The following TEX9 variants were observed in gnomAD, a reference collection of about 807,000 sequenced individuals.
The protein encoded by TEX9 is testis expressed 9.
Under a neutral mutation model 59.6 loss-of-function variants are expected in TEX9, and 74 were observed. The observed-to-expected ratio is 1.24, with a 90% CI of 1.03 to 1.51. The LOEUF (loss-of-function observed/expected upper bound fraction) is 1.51, where lower values mean the gene tolerates loss of function less well. TEX9 is among the 40% of genes most tolerant of loss of function. The pLI, the probability that TEX9 is intolerant of heterozygous loss-of-function variation, is 0.00. For synonymous variants in TEX9, 186 were observed against 152.2 expected (o/e 1.22, Z -1.64); for missense variants, 522 against 447.8 (o/e 1.17, Z -1.49).
chr15:56,413,288 A>ATT (rs1369886543), intron 10 of TEX9, among the ~76,000 whole-genome samples: 2 of 916 alleles, frequency 2.2e-3, no homozygotes, highest in East Asian at 0.05. Flanking sequence ...AAATAATTTA[A>ATT]TAATAAATTA....
chr15:56,459,581 T>C, the TEX9 span, among the ~76,000 whole-genome samples: 2 of 152,180 alleles, frequency 1.3e-5, no homozygotes, highest in South Asian at 2.1e-4. Context: ...TACTTAGCAA[T>C]TGAAAACTAC....
chr15:56,447,756 A>G (rs1351426424), downstream of TEX9: 4 of 152,268 alleles, frequency 2.6e-5, no homozygotes, highest in South Asian at 2.1e-4. Flanking sequence ...CACAATCAAG[A>G]TCATGAACAC....
chr15:56,322,039 A>G (rs1335052178), intron 1 of TEX9, among the ~76,000 whole-genome samples: 1 of 152,130 alleles, frequency 6.6e-6, no homozygotes, highest in African/African-American at 2.4e-5. Context: ...CAGAATTCAT[A>G]TAAGTATACA....
intron 9 of TEX9, among the ~76,000 whole-genome samples, chr15:56,409,510 AT>A (rs1319292487): frequency 2.6e-5 from 4 of 151,848 alleles, no homozygotes; most frequent in Non-Finnish European, 4.4e-5. Flanking sequence ...TGATTATTTT[AT>A]TTTTTTAGAG....
chr15:56,307,005 A>G (rs1484573392), intron 1 of TEX9, among the ~76,000 whole-genome samples: 4 of 152,210 alleles, frequency 2.6e-5, no homozygotes, highest in Admixed American at 2.6e-4. Flanking sequence ...TATCCAGGGT[A>G]GTTTAAAATC....
chr15:56,315,721 T>C (rs1252565574), intron 1 of TEX9, among the ~76,000 whole-genome samples: 3 of 145,288 alleles, frequency 2.1e-5, no homozygotes, highest in Non-Finnish European at 3.1e-5. Flanking sequence ...GGGGAAGTTC[T>C]CCTGGATAAT....
At chr15:56,366,553 A>C (rs1201697390) in intron 2 of TEX9, among the ~76,000 whole-genome samples, 2 of 152,138 alleles carry the variant, frequency 1.3e-5, no homozygotes, top group Non-Finnish European at 2.9e-5. Flanking sequence ...AATTAGCATA[A>C]TTTGTTACAA....
chr15:56,284,581 G>C (rs1274896736), intron 1 of TEX9, among the ~76,000 whole-genome samples: 1 of 152,022 alleles, frequency 6.6e-6, no homozygotes, highest in African/African-American at 2.4e-5. Flanking sequence ...ATAGGAATGA[G>C]ACTGGAAGGA....
intron 1 of TEX9, among the ~76,000 whole-genome samples, chr15:56,337,369 A>G (rs1189998554): frequency 2.0e-5 from 3 of 152,180 alleles, no homozygotes; most frequent in Admixed American, 6.5e-5. Context: ...TCTGGCATCA[A>G]CACTGGGTAG....
intron 12 of TEX9, among the ~76,000 whole-genome samples, chr15:56,430,651 A>G (rs2050563848): frequency 6.6e-6 from 1 of 152,172 alleles, no homozygotes; most frequent in Admixed American, 6.5e-5. Context: ...CCATGTGCCT[A>G]TTACTGGTGT....
At chr15:56,372,284 T>G (rs2047223743) in intron 2 of TEX9, among the ~76,000 whole-genome samples, 1 of 152,224 alleles carries the variant, frequency 6.6e-6, no homozygotes, top group Non-Finnish European at 1.5e-5. Context: ...TCTTAAAGCT[T>G]CAGACTGTTA....
intron 1 of TEX9, among the ~76,000 whole-genome samples, chr15:56,354,995 C>G (rs982864952): frequency 6.6e-6 from 1 of 152,034 alleles, no homozygotes; most frequent in Non-Finnish European, 1.5e-5. Context: ...TAAAATTTAC[C>G]TATTTTAAGT....
rs576521312 is a variant in TEX9, at chr15:56,437,722, G to A, written c.*30-7949G>A. Among the ~76,000 whole-genome samples the A allele has an allele frequency of 1.2e-4, 18 of 152,276 alleles. No individual in the cohort carries two copies. In the South Asian group the frequency reaches 3.7e-3, roughly 32 times the overall value. ...GATTGTATATTTAGAAAACCCCATTGTCTCAGCCCCAAATCTCCTTAAGCT... is the reference window on the plus strand; with the variant it reads ...GATTGTATATTTAGAAAACCCCATTATCTCAGCCCCAAATCTCCTTAAGCT... On this transcript the variant is annotated intron_variant, in intron 12 of 12. Coordinates refer to ENST00000352903, the Ensembl canonical transcript of TEX9.
chr15:56,401,993 G>A (rs1283739597), intron 9 of TEX9, among the ~76,000 whole-genome samples: 1 of 152,156 alleles, frequency 6.6e-6, no homozygotes, highest in Non-Finnish European at 1.5e-5. Flanking sequence ...TGTGTAGAGG[G>A]AAATTTATAG....
chr15:56,269,860 G>A (rs1320349746), intron 1 of TEX9, among the ~76,000 whole-genome samples: 1 of 151,974 alleles, frequency 6.6e-6, no homozygotes, highest in Non-Finnish European at 1.5e-5. Flanking sequence ...GTTTCACCGT[G>A]TTAGCCAGGA....
chr15:56,428,386 A>G (rs1596244285), exon 12 of TEX9: 1 of 1,612,258 alleles, frequency 6.2e-7, no homozygotes, highest in African/African-American at 1.3e-5. Context: ...GAAGCTGCCA[A>G]GATGCTATCT....
At chr15:56,366,290 C>A (rs1305289601) in intron 2 of TEX9, among the ~76,000 whole-genome samples, 1 of 152,164 alleles carries the variant, frequency 6.6e-6, no homozygotes, top group African/African-American at 2.4e-5. Flanking sequence ...TTTCCTGTTG[C>A]ATTTCAAAAG....
intron 1 of TEX9, among the ~76,000 whole-genome samples, chr15:56,258,940 A>AT (rs1327504785): frequency 6.7e-6 from 1 of 149,778 alleles, no homozygotes; most frequent in African/African-American, 2.5e-5. Flanking sequence ...ATGTATATAT[A>AT]AAACATATAT....
chr15:56,400,847 T>C (rs1349382243), intron 9 of TEX9, among the ~76,000 whole-genome samples: 1 of 151,892 alleles, frequency 6.6e-6, no homozygotes, highest in African/African-American at 2.4e-5. Flanking sequence ...CCTTAAAGAA[T>C]TTTCAATCTA....
Sources: allele counts gnomAD v4.1 joint callset (sites outside exome capture counted in the v4.1 genomes callset), GRCh38; gene constraint gnomAD v4.1.1; transcripts MANE v1.5; gene names NCBI Gene and HGNC (gene_info 2026-07-23, HGNC 2026-07-21).